Variants in LRP1B observed in about 807,000 individuals in gnomAD.
LRP1B encodes low-density lipoprotein receptor-related protein 1B.
A neutral mutation model predicts 556.6 loss-of-function variants in LRP1B; 217 were observed. The ratio of observed to expected loss-of-function variants is 0.39; its 90% CI spans 0.35 to 0.44. The LOEUF (loss-of-function observed/expected upper bound fraction) is 0.44. LRP1B is among the 20% of genes least tolerant of loss of function. LRP1B has a pLI of 1.00. For synonymous variants in LRP1B, 2,047 were observed against 1,865.8 expected (o/e 1.10, Z -2.50); for missense variants, 5,053 against 5,620.8 (o/e 0.90, Z 3.23).
intron 1 of LRP1B, among the ~76,000 whole-genome samples, chr2:141,825,136 G>C (rs766635313): frequency 1.2e-4 from 19 of 152,144 alleles, no homozygotes; most frequent in African/African-American, 4.3e-4. Flanking sequence ...CAGTCTCAGG[G>C]AGCTCTTTGT....
At chr2:140,844,221 C>A (rs1692206265) in intron 29 of LRP1B, among the ~76,000 whole-genome samples, 1 of 151,916 alleles carries the variant, frequency 6.6e-6, no homozygotes, top group African/African-American at 2.4e-5. Context: ...GCCACCACGC[C>A]CAGCTAATTT....
At chr2:140,679,385 A>G (rs1574232331) in intron 41 of LRP1B, among the ~76,000 whole-genome samples, 1 of 152,310 alleles carries the variant, frequency 6.6e-6, no homozygotes, top group East Asian at 1.9e-4. Flanking sequence ...GTCAACGCCA[A>G]AGTGGAATTA....
intron 60 of LRP1B, among the ~76,000 whole-genome samples, chr2:140,473,617 T>C (rs553901526): frequency 6.6e-6 from 1 of 152,048 alleles, no homozygotes; most frequent in East Asian, 1.9e-4. Context: ...TTAACAATTT[T>C]AGCTATTCAG....
intron 2 of LRP1B, among the ~76,000 whole-genome samples, chr2:141,581,149 A>T (rs775690344): frequency 6.6e-6 from 1 of 152,170 alleles, no homozygotes; most frequent in Non-Finnish European, 1.5e-5. Flanking sequence ...AGCACTCTCT[A>T]TGAACTTTCA....
intron 35 of LRP1B, among the ~76,000 whole-genome samples, chr2:140,738,071 C>A (rs1688007529): frequency 6.6e-6 from 1 of 152,134 alleles, no homozygotes; most frequent in South Asian, 2.1e-4. Context: ...AGAGTTGGAG[C>A]TCCTTCTTAC....
At chr2:140,910,245 A>T (rs1454239282) in intron 21 of LRP1B, among the ~76,000 whole-genome samples, 1 of 151,782 alleles carries the variant, frequency 6.6e-6, no homozygotes, top group Non-Finnish European at 1.5e-5. Flanking sequence ...AGACATTAGG[A>T]ATAGGTCTAT....
chr2:140,529,002 G>A (rs1035748547), intron 47 of LRP1B, among the ~76,000 whole-genome samples: 7 of 151,982 alleles, frequency 4.6e-5, no homozygotes, highest in Admixed American at 2.0e-4. Flanking sequence ...ATATTTCCTC[G>A]GGCTAAGAGT....
At chr2:142,081,145 T>C (rs1184374815) in intron 1 of LRP1B, among the ~76,000 whole-genome samples, 6 of 152,028 alleles carry the variant, frequency 3.9e-5, no homozygotes, top group African/African-American at 1.5e-4. Flanking sequence ...TAAAGTTGAA[T>C]GGAAATAAAA....
intron 7 of LRP1B, among the ~76,000 whole-genome samples, chr2:141,099,154 T>C (rs1217541200): frequency 6.6e-6 from 1 of 152,176 alleles, no homozygotes; most frequent in Non-Finnish European, 1.5e-5. Flanking sequence ...AAAGGACTTG[T>C]CTAAATACAG....
intron 18 of LRP1B, among the ~76,000 whole-genome samples, chr2:140,968,494 T>C (rs1409631167): frequency 2.2e-5 from 1 of 44,642 alleles, no homozygotes; most frequent in African/African-American, 5.3e-5. Context: ...GATTGATTGA[T>C]TTTTTGCAGT....
intron 43 of LRP1B, among the ~76,000 whole-genome samples, chr2:140,542,255 T>C (rs1299267404): frequency 1.4e-4 from 22 of 152,098 alleles, no homozygotes; most frequent in Admixed American, 1.4e-3. Flanking sequence ...TTTTGTATTA[T>C]AAACAAAAAT....
intron 86 of LRP1B, among the ~76,000 whole-genome samples, chr2:140,262,948 T>C (rs1366357977): frequency 6.6e-6 from 1 of 152,146 alleles, no homozygotes; most frequent in Non-Finnish European, 1.5e-5. Flanking sequence ...TTTGTTTTCT[T>C]TTTGAGACAA....
chr2:140,456,050 A>G (rs1247111605), intron 62 of LRP1B, among the ~76,000 whole-genome samples: 1 of 152,194 alleles, frequency 6.6e-6, no homozygotes, highest in East Asian at 1.9e-4. Flanking sequence ...AATAAAAACA[A>G]AATCTAGAGA....
chr2:140,287,660 A>C (rs1683202568), intron 84 of LRP1B, among the ~76,000 whole-genome samples: 2 of 150,818 alleles, frequency 1.3e-5, no homozygotes, highest in African/African-American at 4.9e-5. Flanking sequence ...AAAAAAAAAA[A>C]ATCCAAATGT....
chr2:140,612,482 T>C (rs1263183049), intron 41 of LRP1B, among the ~76,000 whole-genome samples: 1 of 152,158 alleles, frequency 6.6e-6, no homozygotes, highest in Non-Finnish European at 1.5e-5. Flanking sequence ...TCAGAACTTG[T>C]ACTTATTTAT....
At chr2:140,657,586 C>CATACATATAT (rs200678219) in intron 41 of LRP1B, among the ~76,000 whole-genome samples, 3 of 145,236 alleles carry the variant, frequency 2.1e-5, no homozygotes, top group Non-Finnish European at 3.0e-5. Context: ...CATATATATA[C>CATACATATAT]ATACATACAT....
At chr2:140,992,659 A>T (rs982007767) in intron 16 of LRP1B, 6 of 152,088 alleles carry the variant, frequency 3.9e-5, no homozygotes, top group African/African-American at 1.4e-4. Context: ...ATTAGTCTTA[A>T]AAGTAATAAT....
rs752087064 is a variant in LRP1B at position 140,492,711 on chromosome 2, T to C, written c.9035-18A>G. On this transcript the variant is annotated intron_variant, in intron 56 of 90. Transcript: ENST00000389484. ...TTCTTCATCTAAACACCAACACAAA[T>C]AACATATTAGACTTTAAGTATGTAT... 3.1e-5 allele frequency: 47 copies of C among 1,525,406 alleles called. No homozygotes were observed. Among genetic ancestry groups the C allele is most frequent in the Non-Finnish European group, 4.3e-5 (47 of 1,099,718 alleles). 94.5% of individuals were successfully genotyped at this position (1,525,406 alleles called of 1,614,324 possible). A position where few individuals can be genotyped will look rare whatever the true frequency, so the allele number is the denominator to read the frequency against.
At chr2:141,019,511 A>G (rs1188763005) in intron 12 of LRP1B, among the ~76,000 whole-genome samples, 1 of 152,092 alleles carries the variant, frequency 6.6e-6, no homozygotes, top group African/African-American at 2.4e-5. Flanking sequence ...AGAGTAACCC[A>G]TTTAATAAAA....
Sources: allele counts gnomAD v4.1 joint callset (sites outside exome capture counted in the v4.1 genomes callset), GRCh38; gene constraint gnomAD v4.1.1; transcripts MANE v1.5; gene names NCBI Gene and HGNC (gene_info 2026-07-23, HGNC 2026-07-21).